The following TENM1 variants were observed in gnomAD, a reference collection of about 807,000 sequenced individuals.
TENM1 encodes the protein teneurin-1.
Under a neutral mutation model 174.8 loss-of-function variants are expected in TENM1, and 35 were observed. The ratio of observed to expected loss-of-function variants is 0.20; its 90% CI spans 0.15 to 0.27. TENM1 has a LOEUF of 0.27. Ranked by LOEUF, TENM1 falls within the 10% of genes least tolerant of loss-of-function variation. The pLI, the probability that TENM1 is intolerant of heterozygous loss-of-function variation, is 1.00. For missense variants in TENM1, 1,633 were observed against 2,130.1 expected, an observed-to-expected ratio of 0.77 and a Z score of 4.59; for synonymous variants, 781 against 798.7, an observed-to-expected ratio of 0.98 and a Z score of 0.37.
chrX:124,544,163 A>G (rs1351271099), intron 15 of TENM1, among the ~76,000 whole-genome samples: 1 of 112,851 alleles, frequency 8.9e-6, no homozygotes, highest in African/African-American at 3.2e-5. Flanking sequence ...ATTATGGCAC[A>G]TAAGTGTCCT....
intron 11 of TENM1, among the ~76,000 whole-genome samples, chrX:124,605,333 C>T (rs1238324424): frequency 9.4e-6 from 1 of 106,831 alleles, no homozygotes; most frequent in Non-Finnish European, 1.9e-5. Flanking sequence ...GAAAGTTTCA[C>T]CTTAAAAATC....
exon 17 of TENM1, chrX:124,523,412 T>C: frequency 8.3e-7 from 1 of 1,211,544 alleles, no homozygotes; most frequent in Admixed American, 2.2e-5. Context: ...ACCCTCCAAA[T>C]GATGTGAGCG....
At chrX:124,433,656 GT>G (rs2060804045) in intron 23 of TENM1, among the ~76,000 whole-genome samples, 1 of 72,907 alleles carries the variant, frequency 1.4e-5, no homozygotes, top group African/African-American at 3.8e-5. Flanking sequence ...TGACAGTAAT[GT>G]TTTTGGTCCA....
chrX:124,554,303 C>A (rs1370025627), intron 14 of TENM1, among the ~76,000 whole-genome samples: 1 of 111,794 alleles, frequency 8.9e-6, no homozygotes, highest in East Asian at 2.8e-4. Flanking sequence ...TATTTCAACT[C>A]TTTTCTCATT....
chrX:124,841,603 CCT>C (rs1228640241), intron 3 of TENM1, among the ~76,000 whole-genome samples: 3 of 104,230 alleles, frequency 2.9e-5, no homozygotes, highest in Non-Finnish European at 5.9e-5. Flanking sequence ...GTTGTGGCTG[CCT>C]CTTTCTGTGA....
At chrX:124,762,619 A>T (rs1053680510) in intron 3 of TENM1, among the ~76,000 whole-genome samples, 7 of 111,703 alleles carry the variant, frequency 6.3e-5, no homozygotes, top group African/African-American at 2.3e-4. Context: ...AATCATTTTC[A>T]GCTCTCTTAT....
At chrX:124,430,090 C>G (rs924911928) in intron 23 of TENM1, among the ~76,000 whole-genome samples, 1 of 111,312 alleles carries the variant, frequency 9.0e-6, no homozygotes, top group African/African-American at 3.3e-5. Flanking sequence ...AGACTAGATG[C>G]AGGATAACCA....
chrX:124,995,948 GA>G, the TENM1 span, among the ~76,000 whole-genome samples: 40 of 109,150 alleles, frequency 3.7e-4, no homozygotes, highest in Non-Finnish European at 6.1e-4. Flanking sequence ...CATTTGGAAG[GA>G]AAAAAAACCA....
At chrX:124,884,409 C>T (rs1262469282) in intron 3 of TENM1, among the ~76,000 whole-genome samples, 1 of 110,720 alleles carries the variant, frequency 9.0e-6, no homozygotes, top group Non-Finnish European at 1.9e-5. Flanking sequence ...CCCAATGTGA[C>T]ATCTCTCTCT....
intron 11 of TENM1, among the ~76,000 whole-genome samples, chrX:124,608,987 T>C (rs1314679168): frequency 1.8e-5 from 2 of 111,196 alleles, no homozygotes; most frequent in African/African-American, 6.5e-5. Context: ...CTGGTAATGG[T>C]AAACATACTA....
chrX:124,683,124 A>G (rs1486810496), intron 5 of TENM1, among the ~76,000 whole-genome samples: 1 of 111,996 alleles, frequency 8.9e-6, no homozygotes, highest in East Asian at 2.8e-4. Flanking sequence ...TAAGTCTAAA[A>G]GTGTTCTGCA....
chrX:124,883,233 A>T (rs2057330933), intron 3 of TENM1, among the ~76,000 whole-genome samples: 1 of 111,479 alleles, frequency 9.0e-6, no homozygotes. Flanking sequence ...TTTTTCCTGA[A>T]CACATACCTA....
intron 1 of TENM1, among the ~76,000 whole-genome samples, chrX:124,949,177 CA>C (rs2058445617): frequency 9.0e-6 from 1 of 110,878 alleles, no homozygotes; most frequent in Admixed American, 9.7e-5. Flanking sequence ...CTGAAACTGG[CA>C]ATCTGTGTGT....
At chrX:124,771,017 T>C (rs2054642053) in intron 3 of TENM1, among the ~76,000 whole-genome samples, 2 of 112,226 alleles carry the variant, frequency 1.8e-5, no homozygotes, top group African/African-American at 6.4e-5. Flanking sequence ...CATTACTTTT[T>C]CTTTGATTTA....
the TENM1 span, among the ~76,000 whole-genome samples, chrX:125,000,583 T>C: frequency 1.8e-5 from 2 of 112,183 alleles, no homozygotes; most frequent in East Asian, 2.8e-4. Context: ...CAGAAGATGC[T>C]TGTCTTCATA....
chrX:124,526,076 G>C (rs2047968584), intron 16 of TENM1, among the ~76,000 whole-genome samples: 1 of 111,721 alleles, frequency 9.0e-6, no homozygotes, highest in African/African-American at 3.3e-5. Context: ...CTATTGCCTA[G>C]GTTATAGTTC....
chrX:124,706,452 T>G (rs2052908680), intron 4 of TENM1, among the ~76,000 whole-genome samples: 1 of 111,959 alleles, frequency 8.9e-6, no homozygotes, highest in African/African-American at 3.3e-5. Flanking sequence ...CTTCTGTCTT[T>G]TCTAGGTAAA....
chrX:125,201,789 T>A, the TENM1 span, among the ~76,000 whole-genome samples: 1 of 111,971 alleles, frequency 8.9e-6, no homozygotes, highest in Admixed American at 9.5e-5. Flanking sequence ...TGAAAGCTTT[T>A]AATTACTCTT....
At chrX:124,780,506 T>C (rs1325214609) in intron 3 of TENM1, among the ~76,000 whole-genome samples, 1 of 111,745 alleles carries the variant, frequency 8.9e-6, no homozygotes, top group Non-Finnish European at 1.9e-5. Context: ...ATATCAGTGA[T>C]GGTTTGCAAC....
Sources: gnomAD v4.1 joint callset for allele counts (sites outside exome capture counted in the v4.1 genomes callset) on GRCh38, gnomAD v4.1.1 for gene constraint, MANE v1.5 for transcripts, NCBI Gene and HGNC (gene_info 2026-07-23, HGNC 2026-07-21) for gene names.